The following CELF2 variants were observed in gnomAD, a reference collection of about 807,000 sequenced individuals.
The protein encoded by CELF2 is CUGBP Elav-like family member 2, also known as CUG triplet repeat RNA-binding protein 2.
In CELF2, 8 loss-of-function variants were observed where a neutral mutation model predicts 62.6. The ratio of observed to expected loss-of-function variants is 0.13; its 90% CI spans 0.07 to 0.23. The LOEUF is 0.23. Among genes scored for constraint, CELF2 ranks in the 10% least tolerant of loss-of-function variants. The pLI is 1.00. For synonymous variants in CELF2, 258 were observed against 250.0 expected (o/e 1.03, Z -0.30); for missense variants, 333 against 671.0 (o/e 0.50, Z 5.56).
chr10:11,176,511 G>A (rs1029318161), intron 2 of CELF2, among the ~76,000 whole-genome samples: 5 of 152,170 alleles, frequency 3.3e-5, no homozygotes, highest in Admixed American at 1.3e-4. Context: ...ACTCTGACGT[G>A]TATTTTAAAC....
intron 1 of CELF2, among the ~76,000 whole-genome samples, chr10:10,840,173 T>C (rs911670734): frequency 1.3e-5 from 2 of 152,232 alleles, no homozygotes; most frequent in African/African-American, 4.8e-5. Context: ...TAAATATTCA[T>C]GCGCAGGTTT....
At chr10:11,033,559 A>G (rs560068859) in intron 1 of CELF2, among the ~76,000 whole-genome samples, 1 of 152,308 alleles carries the variant, frequency 6.6e-6, no homozygotes, top group South Asian at 2.1e-4. Flanking sequence ...GCCTGGCCTC[A>G]GGGCACATTT....
chr10:11,057,651 T>C (rs1229068722), intron 1 of CELF2, among the ~76,000 whole-genome samples: 3 of 152,182 alleles, frequency 2.0e-5, no homozygotes, highest in African/African-American at 4.8e-5. Flanking sequence ...TTCTCTTTTT[T>C]TCCCCCCGAT....
At chr10:11,259,075 T>C (rs1414165244) in intron 5 of CELF2, among the ~76,000 whole-genome samples, 1 of 152,248 alleles carries the variant, frequency 6.6e-6, no homozygotes, top group Non-Finnish European at 1.5e-5. Flanking sequence ...TGCAATTTCT[T>C]TGGGGCAAAT....
At chr10:10,952,557 C>A (rs1433604812) in intron 2 of CELF2, among the ~76,000 whole-genome samples, 4 of 152,116 alleles carry the variant, frequency 2.6e-5, no homozygotes, top group Admixed American at 1.3e-4. Flanking sequence ...CCTGGCAAGT[C>A]CCAGAGTCTC....
At chr10:11,043,182 C>G (rs890724694) in intron 1 of CELF2, among the ~76,000 whole-genome samples, 3 of 152,118 alleles carry the variant, frequency 2.0e-5, no homozygotes, top group Non-Finnish European at 4.4e-5. Context: ...CTGCCCATCC[C>G]AGGATCACGA....
rs2095321485 is a variant in CELF2 at position 11,319,785 on chromosome 10, A to G, written c.1097-1404A>G. ...CCACTGTTAAGCTATAGCCTAATTC[A>G]TATCTTACATGTGTCCTTTTAATTG... On this transcript the variant is annotated intron_variant, in intron 10 of 12. Transcript: ENST00000633077. The surrounding 1 kb of genome is among the most constrained non-coding windows in gnomAD (Gnocchi z 4.4). The G allele has an allele frequency of 2.1e-6, 1 of 470,934 alleles. No homozygotes were observed. The highest frequency in any genetic ancestry group is 4.4e-6 in the Non-Finnish European group (1 of 227,030). The allele number at this position is 470,934 out of a possible 1,614,324, so 29.2% of individuals were successfully genotyped here. A position where few individuals can be genotyped will look rare whatever the true frequency, so the allele number is the denominator to read the frequency against.
In CELF2 at chr10:10,936,889, A is replaced by G. The variant is rs1015305900; in HGVS notation, c.89+16890A>G. Among the ~76,000 whole-genome samples, 7 of 152,108 alleles carry G rather than the reference A, an allele frequency of 4.6e-5. No individual in the cohort carries two copies. Among genetic ancestry groups the G allele is most frequent in the Non-Finnish European group, 7.4e-5 (5 of 68,018 alleles). Reference sequence around the variant, plus strand: ...AACCTGAAATTCTGTATTTCTGACAAGCTCCCACGGGGTTTCTGATGATTC... The same window carrying G: ...AACCTGAAATTCTGTATTTCTGACAGGCTCCCACGGGGTTTCTGATGATTC... On this transcript the variant is annotated intron_variant, in intron 2 of 13. Coordinates refer to the CELF2 transcript ENST00000636488. The surrounding 1 kb of genome is among the most constrained non-coding windows in gnomAD (Gnocchi z 4.0).
chr10:10,775,537 A>T, the CELF2 span, among the ~76,000 whole-genome samples: 21 of 152,164 alleles, frequency 1.4e-4, no homozygotes, highest in African/African-American at 4.8e-4. Context: ...GAGACAGGAA[A>T]ATCACTTGAA....
At chr10:10,619,808 A>G in the CELF2 span, among the ~76,000 whole-genome samples, 2 of 152,200 alleles carry the variant, frequency 1.3e-5, no homozygotes, top group Non-Finnish European at 2.9e-5. Context: ...GGGCTTACAT[A>G]CCATTTGGTG....
chr10:10,589,535 G>A, the CELF2 span, among the ~76,000 whole-genome samples: 3 of 152,100 alleles, frequency 2.0e-5, no homozygotes, highest in South Asian at 2.1e-4. Context: ...TTTCCAATTC[G>A]TACACCTTTC....
intron 2 of CELF2, among the ~76,000 whole-genome samples, chr10:11,205,090 A>G (rs1000875508): frequency 6.6e-6 from 1 of 152,242 alleles, no homozygotes; most frequent in Admixed American, 6.5e-5. Context: ...TTGACTATTT[A>G]GAGGTCACGT....
chr10:10,629,224 G>A, the CELF2 span, among the ~76,000 whole-genome samples: 1 of 152,062 alleles, frequency 6.6e-6, no homozygotes, highest in African/African-American at 2.4e-5. Flanking sequence ...AGTATAAAGT[G>A]AGGAATTGCC....
chr10:10,650,987 A>C, the CELF2 span, among the ~76,000 whole-genome samples: 1 of 151,994 alleles, frequency 6.6e-6, no homozygotes, highest in Non-Finnish European at 1.5e-5. Context: ...GGAGTGCCAG[A>C]CAGTGGGCGC....
chr10:10,770,139 G>A, the CELF2 span, among the ~76,000 whole-genome samples: 7 of 152,072 alleles, frequency 4.6e-5, no homozygotes, highest in African/African-American at 1.2e-4. Flanking sequence ...AGATGGATGC[G>A]GTGCGATTAG....
intron 1 of CELF2, among the ~76,000 whole-genome samples, chr10:11,084,842 T>G (rs1414881124): frequency 6.6e-6 from 1 of 152,086 alleles, no homozygotes; most frequent in Non-Finnish European, 1.5e-5. Flanking sequence ...AACAAAGAGG[T>G]CATTATCGTC....
the CELF2 span, among the ~76,000 whole-genome samples, chr10:10,584,339 C>T: frequency 0.027 from 4,059 of 152,178 alleles, 169 homozygotes; most frequent in African/African-American, 0.093. Context: ...AAATGACATA[C>T]GGAAATTGAA....
chr10:10,868,239 C>A (rs769072955), intron 1 of CELF2, among the ~76,000 whole-genome samples: 2 of 152,152 alleles, frequency 1.3e-5, no homozygotes, highest in African/African-American at 4.8e-5. Flanking sequence ...GAGCACTTGA[C>A]GTCAGATGTT....
At chr10:11,204,108 C>A (rs940410098) in intron 2 of CELF2, among the ~76,000 whole-genome samples, 1 of 152,208 alleles carries the variant, frequency 6.6e-6, no homozygotes, top group African/African-American at 2.4e-5. Flanking sequence ...AAAGGGTCCT[C>A]ACTTGGAGAA....
Sources: allele counts gnomAD v4.1 joint callset (sites outside exome capture counted in the v4.1 genomes callset), GRCh38; gene constraint gnomAD v4.1.1; non-coding constraint Gnocchi (gnomAD v3.1); transcripts MANE v1.5; gene names NCBI Gene and HGNC (gene_info 2026-07-23, HGNC 2026-07-21).